Variants in SFTPD observed in about 807,000 individuals in gnomAD.
SFTPD encodes the protein pulmonary surfactant-associated protein D.
SFTPD carries 18 observed loss-of-function variants against 34.6 expected under a neutral mutation model. That is an observed-to-expected ratio of 0.52 (90% CI 0.36 to 0.77). The LOEUF (loss-of-function observed/expected upper bound fraction) is 0.77. Ranked by LOEUF, SFTPD falls within the 30% of genes least tolerant of loss-of-function variation. The pLI, the probability that SFTPD is intolerant of heterozygous loss-of-function variation, is 0.00. For missense variants in SFTPD, 433 were observed against 468.9 expected, an observed-to-expected ratio of 0.92 and a Z score of 0.71; for synonymous variants, 155 against 180.9, an observed-to-expected ratio of 0.86 and a Z score of 1.15.
intron 2 of SFTPD, among the ~76,000 whole-genome samples, chr10:79,944,962 TG>T (rs1413768981): frequency 6.6e-6 from 1 of 151,852 alleles, no homozygotes; most frequent in Non-Finnish European, 1.5e-5. Flanking sequence ...AGACCTATTC[TG>T]GGTAGATTCT....
At chr10:79,965,603 C>G (rs1331702613) in intron 1 of SFTPD, among the ~76,000 whole-genome samples, 2 of 54,498 alleles carry the variant, frequency 3.7e-5, no homozygotes, top group East Asian at 1.1e-3. Context: ...TTATTATACT[C>G]TAAGTTTTAG....
intron 2 of SFTPD, among the ~76,000 whole-genome samples, chr10:79,945,788 G>A (rs1842658800): frequency 6.6e-6 from 1 of 152,240 alleles, no homozygotes; most frequent in Non-Finnish European, 1.5e-5. Context: ...CTCTCCCAGT[G>A]TGGAGATGGA....
In SFTPD at chr10:79,941,444, T is replaced by C. The variant is rs190982723; in HGVS notation, c.621A>G (p.Lys207=). ...TTGCTCCTTTGTCTCCAGGAATGCC[T>C]TTGTCCCCCTTCAATCCCGGGGGTC... ...ARGPPGLKGD[K]GIPGDKGAKG... is the part of the protein sequence containing the mutation. The change falls in exon 6 of 8, where the codon AAA becomes AAG. Residue 207 remains lysine, a synonymous_variant. Coordinates refer to ENST00000372292, the MANE Select transcript of SFTPD (RefSeq NM_003019.5). The C allele has an allele frequency of 6.2e-7, 1 of 1,613,940 alleles. No individual in the cohort carries two copies. The highest frequency in any genetic ancestry group is 2.2e-5 in the East Asian group (1 of 44,876).
intron 1 of SFTPD, among the ~76,000 whole-genome samples, chr10:79,968,028 A>G (rs1476349425): frequency 8.5e-6 from 1 of 117,242 alleles, no homozygotes; most frequent in East Asian, 5.7e-4. Context: ...TATTGCTCAG[A>G]AAAAAAAAAA....
At chr10:79,980,443 C>CT in intron 1 of SFTPD, among the ~76,000 whole-genome samples, 1 of 152,236 alleles carries the variant, frequency 6.6e-6, no homozygotes, top group South Asian at 2.1e-4. Context: ...CACCTGCTGA[C>CT]TACAGAGCCC....
intron 1 of SFTPD, among the ~76,000 whole-genome samples, chr10:79,976,650 C>T (rs745398213): frequency 6.6e-6 from 1 of 152,192 alleles, no homozygotes; most frequent in Non-Finnish European, 1.5e-5. Context: ...CCACCTCCCC[C>T]TTCTGAGAAC....
At chr10:79,942,357 T>C in intron 4 of SFTPD, 31 bp downstream of exon 4, 1 of 1,451,664 alleles carries the variant, frequency 6.9e-7, no homozygotes, top group Non-Finnish European at 9.7e-7. Flanking sequence ...CTCCTTTCCC[T>C]TCTCAGACTG....
Position 79,944,795 on chromosome 10 carries a change from C to T in SFTPD, c.199+1666G>A, listed in dbSNP as rs145678948. On this transcript the variant is annotated intron_variant, in intron 2 of 7. Coordinates refer to ENST00000372292, the MANE Select transcript of SFTPD (RefSeq NM_003019.5). ...TGGGTCATATTTACCCTCCATGATA[C>T]GTCGGGGATGTCACCAGAGTGACTC... Among the ~76,000 whole-genome samples, 15 of 152,126 alleles carry T rather than the reference C, an allele frequency of 9.9e-5. No homozygotes were observed. In the East Asian group the frequency reaches 1.5e-3, roughly 16 times the overall value.
intron 1 of SFTPD, among the ~76,000 whole-genome samples, chr10:79,965,594 T>TA (rs1554818372): frequency 7.4e-6 from 1 of 135,684 alleles, no homozygotes; most frequent in African/African-American, 2.9e-5. Flanking sequence ...GTTTTTTTTT[T>TA]ATTATACTCT....
intron 1 of SFTPD, chr10:79,968,973 G>C (rs1842819682): frequency 6.6e-6 from 1 of 152,182 alleles, no homozygotes; most frequent in South Asian, 2.1e-4. Context: ...ATTTTGAAAA[G>C]TGTTTGCTCA....
chr10:79,937,779 C>T lies in SFTPD; in HGVS notation c.*73G>A. 1 of 1,436,822 alleles carries T rather than the reference C, an allele frequency of 7.0e-7. No homozygotes were observed. Among genetic ancestry groups the T allele is most frequent in the Non-Finnish European group, 9.3e-7 (1 of 1,070,384 alleles). 89.0% of individuals were successfully genotyped at this position (1,436,822 alleles called of 1,614,324 possible). On this transcript the variant is annotated 3_prime_UTR_variant, in exon 8 of 8. Coordinates refer to ENST00000372292, the MANE Select transcript of SFTPD (RefSeq NM_003019.5). The stretch of plus-strand genomic sequence containing the variant: ...GGTCACCTTTTTATTAGGATATTGG[C>T]AGCATGAGGGTCTAAGCCTTGACTT...
At position 79,965,639 on chromosome 10, in the gene SFTPD, A is replaced by T. The variant is rs1312526892; in HGVS notation, c.36+16936T>A. On this transcript the variant is annotated intron_variant, in intron 1 of 5. Transcript: ENST00000444384. ...GGTACATGTGCACATTGTGCAGGTT[A>T]GTTACATATGTATACATGTGCCATG... Among the ~76,000 whole-genome samples, 3 of 100,802 alleles carry T rather than the reference A, an allele frequency of 3.0e-5. No homozygotes were observed. In the East Asian group the frequency reaches 1.2e-3, roughly 42 times the overall value. 66.1% of individuals were successfully genotyped at this position (100,802 alleles called of 152,430 possible).
intron 7 of SFTPD, among the ~76,000 whole-genome samples, chr10:79,939,741 C>A (rs1842593325): frequency 6.6e-6 from 1 of 152,208 alleles, no homozygotes; most frequent in Non-Finnish European, 1.5e-5. Flanking sequence ...AGAAGCCAAA[C>A]CTGTGTTGCA....
intron 1 of SFTPD, among the ~76,000 whole-genome samples, chr10:79,962,060 C>G (rs1172230157): frequency 6.9e-6 from 1 of 145,758 alleles, no homozygotes; most frequent in Non-Finnish European, 1.5e-5. Context: ...AAACCAAACA[C>G]CACATGTTCT....
intron 1 of SFTPD, among the ~76,000 whole-genome samples, chr10:79,967,275 A>G (rs547116441): frequency 1.2e-4 from 15 of 127,980 alleles, no homozygotes; most frequent in Non-Finnish European, 2.2e-4. Context: ...AAGGAGAACT[A>G]CAAACCACTG....
intron 7 of SFTPD, among the ~76,000 whole-genome samples, chr10:79,939,250 G>T (rs532265177): frequency 6.6e-6 from 1 of 152,144 alleles, no homozygotes; most frequent in Admixed American, 6.5e-5. Context: ...GAAATCTTCC[G>T]CAAAGGACAC....
At chr10:79,951,608 A>T (rs1364459101), upstream of SFTPD, among the ~76,000 whole-genome samples, 1 of 152,206 alleles carries the variant, frequency 6.6e-6, no homozygotes, top group Admixed American at 6.5e-5. Context: ...CTGAAAGTTT[A>T]TCTCATTCCC....
chr10:79,958,457 A>G (rs907332371), intron 1 of SFTPD, among the ~76,000 whole-genome samples: 5 of 151,938 alleles, frequency 3.3e-5, no homozygotes, highest in African/African-American at 9.7e-5. Context: ...AGATCTACCA[A>G]GCAAATGGAA....
upstream of SFTPD, among the ~76,000 whole-genome samples, chr10:79,951,465 T>A (rs1842709939): frequency 6.6e-6 from 1 of 152,150 alleles, no homozygotes; most frequent in African/African-American, 2.4e-5. Flanking sequence ...CATAGATAGC[T>A]TTTGTGTGGT....
Sources: gnomAD v4.1 joint callset for allele counts (sites outside exome capture counted in the v4.1 genomes callset) on GRCh38, gnomAD v4.1.1 for gene constraint, MANE v1.5 for transcripts, NCBI Gene and HGNC (gene_info 2026-07-23, HGNC 2026-07-21) for gene names.